TRIM51G: variants seen among roughly 807,000 people sequenced by gnomAD.
The protein encoded by TRIM51G is tripartite motif-containing 51G.
chr11:48,981,758 A>G, the TRIM51G span: 4 of 1,493,178 alleles, frequency 2.7e-6, no homozygotes, highest in East Asian at 9.1e-5. Flanking sequence ...ATCTGTGAAC[A>G]TATCACCATA....
chr11:48,978,785 TA>T, the TRIM51G span: 2 of 669,922 alleles, frequency 3.0e-6, no homozygotes, highest in Non-Finnish European at 5.5e-6. Context: ...ATCATGGAAG[TA>T]AAGGGGGAGA....
At chr11:48,981,436 C>T in the TRIM51G span, 3 of 1,607,728 alleles carry the variant, frequency 1.9e-6, no homozygotes, top group Middle Eastern at 2.3e-4. Context: ...CTCCTCAGAG[C>T]TAAGGAATTG....
the TRIM51G span, chr11:48,975,782 T>G: frequency 0.2 from 305,673 of 1,552,738 alleles, 34,070 homozygotes; most frequent in South Asian, 0.42. Flanking sequence ...CAATAATTGT[T>G]ACAGACACCA....
At chr11:48,979,664 T>C in the TRIM51G span, among the ~76,000 whole-genome samples, 6 of 152,036 alleles carry the variant, frequency 3.9e-5, no homozygotes, top group African/African-American at 1.4e-4. Context: ...CTGTTTTCTA[T>C]AACTAGAATT....
the TRIM51G span, chr11:48,981,193 A>G: frequency 2.6e-6 from 4 of 1,553,406 alleles, no homozygotes; most frequent in African/African-American, 5.5e-5. Context: ...TTAAGGGGGC[A>G]CAGAGATGGC....
the TRIM51G span, chr11:48,977,276 T>G: frequency 3.1e-6 from 2 of 637,542 alleles, no homozygotes; most frequent in South Asian, 3.2e-5. Context: ...GAGAATCCCT[T>G]TAACCCACAC....
the TRIM51G span, among the ~76,000 whole-genome samples, chr11:48,977,892 T>A: frequency 9.2e-6 from 1 of 108,230 alleles, no homozygotes; most frequent in Admixed American, 1.1e-4. Context: ...TTTTGTTCTC[T>A]TTCTTTTTTA....
chr11:48,978,590 C>T, the TRIM51G span, among the ~76,000 whole-genome samples: 4 of 152,128 alleles, frequency 2.6e-5, no homozygotes, highest in Non-Finnish European at 5.9e-5. Flanking sequence ...TTCAAAAATC[C>T]TAAATATATC....
the TRIM51G span, among the ~76,000 whole-genome samples, chr11:48,980,541 C>A: frequency 6.6e-6 from 1 of 152,174 alleles, no homozygotes; most frequent in African/African-American, 2.4e-5. Context: ...TTCATGCTGA[C>A]TCAGCCTTAG....
the TRIM51G span, chr11:48,977,020 T>C: frequency 3.0e-6 from 2 of 670,628 alleles, no homozygotes; most frequent in East Asian, 2.9e-5. Context: ...GGGTAAAATA[T>C]TACCCCCATG....
At chr11:48,979,112 C>G in the TRIM51G span, 9 of 764,100 alleles carry the variant, frequency 1.2e-5, no homozygotes, top group Non-Finnish European at 2.2e-5. Context: ...CCTGCAGTGA[C>G]AATTAGTCAA....
the TRIM51G span, among the ~76,000 whole-genome samples, chr11:48,976,520 T>G: frequency 6.6e-6 from 1 of 152,156 alleles, no homozygotes. Context: ...AGCTCTAGAC[T>G]GAAACTGAAC....
the TRIM51G span, among the ~76,000 whole-genome samples, chr11:48,979,524 T>C: frequency 6.6e-6 from 1 of 152,092 alleles, no homozygotes; most frequent in South Asian, 2.1e-4. Context: ...CTCAATGCAT[T>C]TCACCCAGCA....
At chr11:48,982,566 G>A in the TRIM51G span, among the ~76,000 whole-genome samples, 1 of 152,006 alleles carries the variant, frequency 6.6e-6, no homozygotes, top group Non-Finnish European at 1.5e-5. Flanking sequence ...AGCTCAGACT[G>A]AAGATAAAGG....
At chr11:48,981,317 A>G in the TRIM51G span, 1 of 1,606,448 alleles carries the variant, frequency 6.2e-7, no homozygotes, top group African/African-American at 1.3e-5. Flanking sequence ...TCAGTGGGAC[A>G]GTGTCTGTGA....
chr11:48,982,472 TG>T, the TRIM51G span, among the ~76,000 whole-genome samples: 1 of 151,978 alleles, frequency 6.6e-6, no homozygotes, highest in Non-Finnish European at 1.5e-5. Flanking sequence ...TCTGTGAAGG[TG>T]TTTGCAGAGA....
At chr11:48,975,672 G>A in the TRIM51G span, 2 of 1,459,656 alleles carry the variant, frequency 1.4e-6, no homozygotes, top group Non-Finnish European at 9.6e-7. Context: ...TTACAAGTGG[G>A]GAGGTGGTAA....
chr11:48,981,569 A>G, the TRIM51G span: 13 of 1,601,548 alleles, frequency 8.1e-6, no homozygotes, highest in Middle Eastern at 2.2e-4. Flanking sequence ...ATGTCTTGCC[A>G]GTTGAGGTAG....
the TRIM51G span, among the ~76,000 whole-genome samples, chr11:48,978,435 C>G: frequency 1.3e-5 from 2 of 152,122 alleles, no homozygotes; most frequent in African/African-American, 4.8e-5. Flanking sequence ...GAAGAAGCTA[C>G]TCAGTCATCT....
Sources: allele counts gnomAD v4.1 joint callset (sites outside exome capture counted in the v4.1 genomes callset), GRCh38; gene constraint gnomAD v4.1.1; transcripts MANE v1.5; gene names NCBI Gene and HGNC (gene_info 2026-07-23, HGNC 2026-07-21).